The following COBL variants were observed in gnomAD, a reference collection of about 807,000 sequenced individuals.
COBL encodes cordon-bleu WH2 repeat protein.
Under a neutral mutation model 98.8 loss-of-function variants are expected in COBL, and 51 were observed. That is an observed-to-expected ratio of 0.52 (90% confidence interval 0.41 to 0.65). The LOEUF (loss-of-function observed/expected upper bound fraction) is 0.65. Among genes scored for constraint, COBL ranks in the 30% least tolerant of loss-of-function variants. The probability of loss-of-function intolerance (pLI) is 0.00; values close to 1 mark genes in which losing one functional copy is unlikely to be tolerated. For synonymous variants in COBL, 634 were observed against 651.7 expected (o/e 0.97, Z 0.41); for missense variants, 1,617 against 1,617.5 (o/e 1.00, Z 0.01).
At chr7:51,119,832 T>G (rs1042135743) in intron 6 of COBL, among the ~76,000 whole-genome samples, 1 of 152,166 alleles carries the variant, frequency 6.6e-6, no homozygotes, top group Non-Finnish European at 1.5e-5. Flanking sequence ...CTTCAAAACC[T>G]TAGTTAAGTA....
chr7:51,224,255 C>T (rs778398794), intron 1 of COBL, among the ~76,000 whole-genome samples: 2 of 152,014 alleles, frequency 1.3e-5, no homozygotes, highest in East Asian at 1.9e-4. Flanking sequence ...TATGTATGAC[C>T]GTACTTAAAA....
chr7:51,259,912 G>A, intron 1 of COBL: 1 of 756,084 alleles, frequency 1.3e-6, no homozygotes, highest in South Asian at 1.4e-5. Context: ...TAAAGGCCAA[G>A]GAATGTTATC....
At position 51,025,276 on chromosome 7, in the gene COBL, G is replaced by A; in HGVS notation, c.3601C>T (p.Leu1201=). 6.2e-7 allele frequency: 1 copy of A among 1,610,848 alleles called. No homozygotes were observed. The highest frequency in any genetic ancestry group is 8.5e-7 in the Non-Finnish European group (1 of 1,179,254). Residue 1201 remains leucine, a synonymous_variant, in exon 12 of 13, where the codon CTG becomes TTG. Coordinates refer to ENST00000265136, the MANE Select transcript of COBL (RefSeq NM_015198.5). ...GGTGGGGGAATGGCTGGTGGGGACAGAAGACCAAGGTCTTCTAGCAGAGGA... is the reference window on the plus strand; with the variant it reads ...GGTGGGGGAATGGCTGGTGGGGACAAAAGACCAAGGTCTTCTAGCAGAGGA... ...ESPLLEDLGL[L]SPPAIPPPPP...
intron 5 of COBL, among the ~76,000 whole-genome samples, chr7:51,155,268 T>C (rs770238437): frequency 1.3e-5 from 2 of 152,000 alleles, no homozygotes; most frequent in Non-Finnish European, 2.9e-5. Context: ...TTTAGGACAA[T>C]AAAGAGTTTT....
chr7:51,243,388 C>T (rs1278153954), intron 1 of COBL, among the ~76,000 whole-genome samples: 3 of 152,196 alleles, frequency 2.0e-5, no homozygotes, highest in Non-Finnish European at 4.4e-5. Flanking sequence ...TCACTGCCCT[C>T]ATGGGACTGC....
At chr7:51,040,270 A>G (rs1789052234) in intron 8 of COBL, among the ~76,000 whole-genome samples, 1 of 150,210 alleles carries the variant, frequency 6.7e-6, no homozygotes, top group African/African-American at 2.4e-5. Context: ...CCTCAAAAAC[A>G]CACACACACA....
intron 7 of COBL, among the ~76,000 whole-genome samples, chr7:51,055,316 G>A (rs967970159): frequency 6.6e-6 from 1 of 152,100 alleles, no homozygotes; most frequent in Non-Finnish European, 1.5e-5. Context: ...GCCCCTCAAG[G>A]GCTGCGGGAA....
chr7:51,222,184 C>T (rs562137419), intron 1 of COBL, among the ~76,000 whole-genome samples: 3 of 119,648 alleles, frequency 2.5e-5, no homozygotes, highest in East Asian at 2.6e-4. Flanking sequence ...AGTGAAACTC[C>T]GTCTCAAAAA....
intron 6 of COBL, among the ~76,000 whole-genome samples, chr7:51,105,491 G>GT (rs1796175571): frequency 6.6e-6 from 1 of 152,220 alleles, no homozygotes; most frequent in Non-Finnish European, 1.5e-5. Context: ...GCTCACACCT[G>GT]TAACCCCAGC....
At chr7:51,302,414 T>C (rs1035352043) in intron 1 of COBL, among the ~76,000 whole-genome samples, 3 of 151,864 alleles carry the variant, frequency 2.0e-5, no homozygotes, top group African/African-American at 7.3e-5. Flanking sequence ...AAACCCTATC[T>C]CTACTAAAAA....
At position 51,219,605 on chromosome 7, in the gene COBL, C is replaced by T. The variant is rs897798397; in HGVS notation, c.245+136G>A. 10 of 920,214 alleles carry T rather than the reference C, an allele frequency of 1.1e-5. No individual in the cohort carries two copies. The East Asian group carries it at 1.2e-4, about 12-fold the overall frequency. The allele number at this position is 920,214 out of a possible 1,614,324, so 57.0% of individuals were successfully genotyped here. On this transcript the variant is annotated intron_variant, in intron 2 of 12. Transcript: ENST00000265136. ...GCCTGCTCTAAGTAGTCACTAAGCCCGATTTATATCCATGAGGTTCCTGAG... is the reference window on the plus strand; with the variant it reads ...GCCTGCTCTAAGTAGTCACTAAGCCTGATTTATATCCATGAGGTTCCTGAG...
chr7:51,071,863 ATT>A (rs963517960), intron 7 of COBL: 4 of 151,934 alleles, frequency 2.6e-5, no homozygotes, highest in African/African-American at 9.7e-5. Flanking sequence ...CCATTTAATG[ATT>A]TGAGGTCAAA....
At chr7:51,079,112 G>A (rs139686207) in intron 7 of COBL, among the ~76,000 whole-genome samples, 126 of 152,310 alleles carry the variant, frequency 8.3e-4, no homozygotes, top group African/African-American at 3.0e-3. Flanking sequence ...AACACAGGAG[G>A]TGGGGATCAC....
intron 7 of COBL, among the ~76,000 whole-genome samples, chr7:51,053,682 G>A (rs192379497): frequency 7.2e-5 from 11 of 152,324 alleles, no homozygotes; most frequent in East Asian, 1.9e-4. Flanking sequence ...CCAAGCGCCC[G>A]TCCCTGTGCC....
intron 6 of COBL, among the ~76,000 whole-genome samples, chr7:51,121,364 G>A (rs551281339): frequency 6.6e-6 from 1 of 152,286 alleles, no homozygotes; most frequent in Non-Finnish European, 1.5e-5. Flanking sequence ...TTTTAATTGA[G>A]TTGTTTGTTT....
chr7:51,153,050 T>C (rs1014404289), intron 5 of COBL, among the ~76,000 whole-genome samples: 18 of 152,218 alleles, frequency 1.2e-4, no homozygotes, highest in Non-Finnish European at 1.9e-4. Flanking sequence ...TATCGTAAGG[T>C]TAAATTCATA....
rs74747966 is a variant in COBL, at chr7:51,107,596, A to G, written c.958-22292T>C. ...ATAATCTTTTTACTTTTTTAAAATA[A>G]TGTGGGAAGATACTGCTTCTTTTAA... On this transcript the variant is annotated intron_variant, in intron 6 of 12. Transcript: ENST00000265136. 2.1e-4 allele frequency among the ~76,000 whole-genome samples: 32 copies of G among 152,312 alleles called. No homozygotes were observed. In the East Asian group the frequency reaches 6.2e-3, roughly 29 times the overall value.
At chr7:51,232,536 G>A (rs1465388669) in intron 1 of COBL, among the ~76,000 whole-genome samples, 2 of 152,168 alleles carry the variant, frequency 1.3e-5, no homozygotes, top group Non-Finnish European at 2.9e-5. Context: ...TCAGGGCCAG[G>A]CACGGTGGCT....
chr7:51,099,260 T>C (rs1664056761), intron 6 of COBL, among the ~76,000 whole-genome samples: 2 of 152,206 alleles, frequency 1.3e-5, no homozygotes, highest in Admixed American at 1.3e-4. Context: ...ATCCCACTTC[T>C]GGATATACAT....
Sources: allele counts gnomAD v4.1 joint callset (sites outside exome capture counted in the v4.1 genomes callset), GRCh38; gene constraint gnomAD v4.1.1; transcripts MANE v1.5; gene names NCBI Gene and HGNC (gene_info 2026-07-23, HGNC 2026-07-21).